FGF14: variants seen among roughly 807,000 people sequenced by gnomAD.
FGF14 encodes the protein fibroblast growth factor homologous factor 4.
FGF14 carries 5 observed loss-of-function variants against 25.5 expected under a neutral mutation model. The ratio of observed to expected loss-of-function variants is 0.20; its 90% CI spans 0.10 to 0.41. The LOEUF (loss-of-function observed/expected upper bound fraction) is 0.41, where lower values mean the gene tolerates loss of function less well. Ranked by LOEUF, FGF14 falls within the 10% of genes least tolerant of loss-of-function variation. The probability of loss-of-function intolerance (pLI) is 1.00; values close to 1 mark genes in which losing one functional copy is unlikely to be tolerated. For synonymous variants in FGF14, 138 were observed against 118.3 expected (o/e 1.17, Z -1.08); for missense variants, 222 against 320.1 (o/e 0.69, Z 2.34).
Position 101,727,967 on chromosome 13 carries a change from G to T in FGF14, c.409-1157C>A, listed in dbSNP as rs566896708. 8.6e-4 allele frequency among the ~76,000 whole-genome samples: 131 copies of T among 151,886 alleles called. 1 individual carries two copies. Among genetic ancestry groups the T allele is most frequent in the South Asian group, 2.9e-3 (14 of 4,810 alleles). ...ATTATTGCAGAAAATAATAATTTTTGGTTTTCTTCTAAAAATGTTGTATAC... is the reference window on the plus strand; with the variant it reads ...ATTATTGCAGAAAATAATAATTTTTTGTTTTCTTCTAAAAATGTTGTATAC... On this transcript the variant is annotated intron_variant, in intron 3 of 4. Transcript: ENST00000376143.
chr13:102,094,362 A>C (rs2044298018), intron 1 of FGF14, among the ~76,000 whole-genome samples: 1 of 152,238 alleles, frequency 6.6e-6, no homozygotes, highest in Non-Finnish European at 1.5e-5. Context: ...TTGTTTTAAA[A>C]ATATGAAGAT....
chr13:101,950,390 T>C (rs146041281), intron 1 of FGF14, among the ~76,000 whole-genome samples: 1 of 152,344 alleles, frequency 6.6e-6, no homozygotes, highest in Non-Finnish European at 1.5e-5. Context: ...TGGACAGCTA[T>C]ACATGATTGT....
intron 1 of FGF14, among the ~76,000 whole-genome samples, chr13:101,994,314 AAT>A (rs2039066038): frequency 1.3e-5 from 2 of 152,050 alleles, no homozygotes; most frequent in African/African-American, 2.4e-5. Flanking sequence ...TAGATTAATT[AAT>A]GTCAGTATAT....
intron 1 of FGF14, among the ~76,000 whole-genome samples, chr13:101,893,025 T>C (rs550964653): frequency 1.3e-5 from 2 of 152,280 alleles, no homozygotes; most frequent in South Asian, 4.1e-4. Context: ...ATGTTGGGTA[T>C]GATGCATGCA....
chr13:102,237,931 G>A (rs1391940400), intron 1 of FGF14, among the ~76,000 whole-genome samples: 1 of 152,050 alleles, frequency 6.6e-6, no homozygotes. Context: ...CTCTAAACTG[G>A]TATTAAGGAC....
chr13:102,222,186 A>C (rs542891282), intron 1 of FGF14, among the ~76,000 whole-genome samples: 15 of 152,182 alleles, frequency 9.9e-5, no homozygotes, highest in Non-Finnish European at 1.6e-4. Flanking sequence ...TGCTGAATTC[A>C]TCCACTGCTA....
chr13:102,361,761 T>C lies in FGF14; in HGVS notation c.208+39710A>G, dbSNP rs1324446036. On this transcript the variant is annotated intron_variant, in intron 1 of 4. Transcript: ENST00000376131. Reference sequence around the variant, plus strand: ...TAAAACAACTTCAGATTTCACATCTTCCAAACTGAACCAATTGGATGTGTT... The same window carrying C: ...TAAAACAACTTCAGATTTCACATCTCCCAAACTGAACCAATTGGATGTGTT... Among the ~76,000 whole-genome samples, 5 of 152,340 alleles carry C rather than the reference T, an allele frequency of 3.3e-5. No homozygotes were observed. In the East Asian group the frequency reaches 9.6e-4, roughly 29 times the overall value.
chr13:102,297,655 G>A (rs2054793036), intron 1 of FGF14, among the ~76,000 whole-genome samples: 1 of 151,834 alleles, frequency 6.6e-6, no homozygotes, highest in Admixed American at 6.6e-5. Context: ...GGAGGCTGAG[G>A]CAGGAGGATT....
At chr13:102,027,238 TAC>T (rs1436056804) in intron 1 of FGF14, among the ~76,000 whole-genome samples, 5 of 150,904 alleles carry the variant, frequency 3.3e-5, no homozygotes, top group Admixed American at 6.6e-5. Flanking sequence ...GACACACACA[TAC>T]ACACACACAT....
intron 1 of FGF14, among the ~76,000 whole-genome samples, chr13:102,045,170 T>C (rs1389972565): frequency 6.6e-6 from 1 of 152,068 alleles, no homozygotes; most frequent in African/African-American, 2.4e-5. Context: ...CTCAGACACT[T>C]CCCATCAAGC....
At chr13:102,008,253 G>T (rs1691627846) in intron 1 of FGF14, among the ~76,000 whole-genome samples, 1 of 152,164 alleles carries the variant, frequency 6.6e-6, no homozygotes. Flanking sequence ...GCAATGGAAT[G>T]ATCTTCTGAA....
intron 3 of FGF14, among the ~76,000 whole-genome samples, chr13:101,834,353 G>A (rs1429411696): frequency 2.0e-5 from 3 of 152,008 alleles, no homozygotes; most frequent in Admixed American, 6.6e-5. Context: ...CAAACGAAAT[G>A]ACACATTCCA....
intron 1 of FGF14, among the ~76,000 whole-genome samples, chr13:102,049,193 G>T (rs1336056914): frequency 6.6e-6 from 1 of 152,064 alleles, no homozygotes; most frequent in African/African-American, 2.4e-5. Context: ...AATCCTTATA[G>T]GCTATATATA....
At chr13:102,131,573 C>G (rs566164190) in intron 1 of FGF14, among the ~76,000 whole-genome samples, 5 of 152,220 alleles carry the variant, frequency 3.3e-5, no homozygotes, top group African/African-American at 1.2e-4. Context: ...TGCCTTTTCT[C>G]TAAGCCATTT....
intron 1 of FGF14, among the ~76,000 whole-genome samples, chr13:102,277,365 C>T (rs527452210): frequency 1.3e-5 from 2 of 152,342 alleles, no homozygotes; most frequent in East Asian, 3.9e-4. Context: ...GAGAATGTCC[C>T]CCTCTCAGCT....
chr13:102,287,987 G>A (rs2054191049), intron 1 of FGF14, among the ~76,000 whole-genome samples: 1 of 152,186 alleles, frequency 6.6e-6, no homozygotes, highest in Admixed American at 6.5e-5. Context: ...AATATCTTTT[G>A]AGGATGAATG....
intron 1 of FGF14, among the ~76,000 whole-genome samples, chr13:102,049,831 C>G (rs1301935205): frequency 6.6e-6 from 1 of 152,052 alleles, no homozygotes; most frequent in Non-Finnish European, 1.5e-5. Flanking sequence ...ATCCAAGGAA[C>G]AAAAGAGATT....
chr13:102,080,951 T>C (rs951981580), intron 1 of FGF14, among the ~76,000 whole-genome samples: 2 of 152,214 alleles, frequency 1.3e-5, no homozygotes, highest in Non-Finnish European at 2.9e-5. Flanking sequence ...GAGGACTTCC[T>C]CCAGCAAAAG....
At chr13:101,850,221 G>T (rs576765460) in intron 3 of FGF14, among the ~76,000 whole-genome samples, 73 of 140,130 alleles carry the variant, frequency 5.2e-4, no homozygotes, top group Non-Finnish European at 9.7e-4. Context: ...ATCACTTGAG[G>T]TCAGGAGTTC....
Sources: gnomAD v4.1 joint callset for allele counts (sites outside exome capture counted in the v4.1 genomes callset) on GRCh38, gnomAD v4.1.1 for gene constraint, MANE v1.5 for transcripts, NCBI Gene and HGNC (gene_info 2026-07-23, HGNC 2026-07-21) for gene names.